NELL1: variants seen among roughly 807,000 people sequenced by gnomAD.
NELL1 encodes protein kinase C-binding protein NELL1.
A neutral mutation model predicts 107.4 loss-of-function variants in NELL1; 76 were observed. The observed-to-expected ratio is 0.71, with a 90% confidence interval of 0.59 to 0.86. The LOEUF (loss-of-function observed/expected upper bound fraction) is 0.86. NELL1 is among the 40% of genes least tolerant of loss of function. The probability of loss-of-function intolerance (pLI) is 0.00; values close to 1 mark genes in which losing one functional copy is unlikely to be tolerated. For missense variants in NELL1, 1,024 were observed against 1,005.5 expected, an observed-to-expected ratio of 1.02 and a Z score of -0.25; for synonymous variants, 353 against 341.2, an observed-to-expected ratio of 1.03 and a Z score of -0.38.
chr11:21,329,282 C>T (rs12419290), intron 14 of NELL1, among the ~76,000 whole-genome samples: 43,484 of 151,836 alleles, frequency 0.29, 6,354 homozygotes, highest in Admixed American at 0.39. Context: ...TTATAAGGGG[C>T]TTTTCCCCCT....
intron 1 of NELL1, among the ~76,000 whole-genome samples, chr11:20,673,446 A>G (rs1321563338): frequency 6.6e-6 from 1 of 152,168 alleles, no homozygotes; most frequent in African/African-American, 2.4e-5. Context: ...AGCTTCCACC[A>G]TGGACAATGA....
At chr11:21,496,662 C>T (rs1854988577) in intron 15 of NELL1, among the ~76,000 whole-genome samples, 1 of 152,092 alleles carries the variant, frequency 6.6e-6, no homozygotes. Flanking sequence ...ACTTGCCTCA[C>T]CCTCCCAAAG....
intron 2 of NELL1, among the ~76,000 whole-genome samples, chr11:20,725,242 C>G (rs947841220): frequency 2.0e-5 from 3 of 152,238 alleles, no homozygotes; most frequent in Admixed American, 2.0e-4. Flanking sequence ...TGACTCCCAA[C>G]TACTATTGTT....
chr11:21,269,367 C>T (rs1436104690), intron 14 of NELL1, among the ~76,000 whole-genome samples: 8 of 151,750 alleles, frequency 5.3e-5, no homozygotes, highest in Non-Finnish European at 1.2e-4. Flanking sequence ...CTCTCTCTCT[C>T]TCTCTCTCTC....
At chr11:20,973,558 T>A (rs1451182934) in intron 12 of NELL1, among the ~76,000 whole-genome samples, 2 of 152,240 alleles carry the variant, frequency 1.3e-5, no homozygotes, top group Non-Finnish European at 2.9e-5. Flanking sequence ...GGTAGAAGAA[T>A]GTGATTCCAT....
chr11:20,868,042 C>T (rs1386267903), intron 4 of NELL1, among the ~76,000 whole-genome samples: 1 of 152,136 alleles, frequency 6.6e-6, no homozygotes, highest in Non-Finnish European at 1.5e-5. Context: ...CAGTTGTTTA[C>T]AGTGTGTCAG....
chr11:20,853,961 GA>G (rs1848835482), intron 4 of NELL1, among the ~76,000 whole-genome samples: 1 of 152,128 alleles, frequency 6.6e-6, no homozygotes. Flanking sequence ...AGGGCTTTGA[GA>G]AAGTGACATG....
chr11:20,952,094 T>C (rs1206809381), intron 11 of NELL1, among the ~76,000 whole-genome samples: 2 of 151,994 alleles, frequency 1.3e-5, no homozygotes, highest in Non-Finnish European at 2.9e-5. Flanking sequence ...CCATGTATTC[T>C]CAGGACCACT....
chr11:21,458,074 GAGA>G (rs1853795918), intron 15 of NELL1, among the ~76,000 whole-genome samples: 1 of 152,128 alleles, frequency 6.6e-6, no homozygotes, highest in Admixed American at 6.6e-5. Flanking sequence ...TGGCTGTGAA[GAGA>G]AGAAGGATAA....
At chr11:20,842,174 C>T (rs1438782298) in intron 3 of NELL1, among the ~76,000 whole-genome samples, 7 of 151,928 alleles carry the variant, frequency 4.6e-5, no homozygotes, top group African/African-American at 1.7e-4. Flanking sequence ...GTCAGGAGTT[C>T]GAGACCAGCC....
At chr11:21,505,993 G>A (rs986503649) in intron 15 of NELL1, among the ~76,000 whole-genome samples, 34 of 152,126 alleles carry the variant, frequency 2.2e-4, no homozygotes, top group Admixed American at 2.0e-3. Flanking sequence ...TTAGTTCAGA[G>A]CCACCAGCAT....
rs187940287 is a variant in NELL1 at position 20,848,536 on chromosome 11, C to G, written c.506+783C>G. On this transcript the variant is annotated intron_variant, in intron 4 of 19. Transcript: ENST00000357134. Reference sequence around the variant, plus strand: ...CTGAAGATCCTTATGGATAGTGACCCGAGTCCAATTACAGAGTTTTTTTTT... The same window carrying G: ...CTGAAGATCCTTATGGATAGTGACCGGAGTCCAATTACAGAGTTTTTTTTT... Among the ~76,000 whole-genome samples the G allele has an allele frequency of 2.3e-4, 35 of 152,176 alleles. No homozygotes were observed. The East Asian group carries it at 3.7e-3, about 16-fold the overall frequency.
chr11:20,938,908 GTCTCTCTCTCTCTCTCTCTC>G (rs71443766), intron 10 of NELL1, among the ~76,000 whole-genome samples: 1 of 144,540 alleles, frequency 6.9e-6, no homozygotes, highest in Non-Finnish European at 1.5e-5. Context: ...TTCTCTCTCT[GTCTCTCTCTCTCTCTCTCTC>G]TCTCTCTCTC....
Position 20,960,533 on chromosome 11 carries a change from G to A in NELL1, c.1273G>A (p.Val425Ile). The A allele has an allele frequency of 6.2e-7, 1 of 1,613,970 alleles. No individual in the cohort carries two copies. Among genetic ancestry groups the A allele is most frequent in the South Asian group, 1.1e-5 (1 of 91,074 alleles). Residue 425 changes from valine (V) to isoleucine (I), a missense_variant, in exon 12 of 20, where the codon GTC (valine) becomes ATC (isoleucine). Coordinates refer to ENST00000357134, the MANE Select transcript of NELL1 (RefSeq NM_006157.5). ...TCECKSGYISVQGDSAYCEDI... is the reference protein window; with the variant it reads ...TCECKSGYISIQGDSAYCEDI... ...TGAGTGCAAGAGTGGTTACATCTCTGTCCAGGGAGACTCTGCCTACTGTGA... is the reference window on the plus strand; with the variant it reads ...TGAGTGCAAGAGTGGTTACATCTCTATCCAGGGAGACTCTGCCTACTGTGA...
chr11:21,232,157 A>T (rs1424982859), intron 14 of NELL1, among the ~76,000 whole-genome samples: 59 of 51,024 alleles, frequency 1.2e-3, no homozygotes, highest in African/African-American at 4.7e-3. Context: ...TAAAAAAAAA[A>T]AAATATATAT....
intron 12 of NELL1, among the ~76,000 whole-genome samples, chr11:21,057,347 T>A (rs1853637589): frequency 6.6e-6 from 1 of 151,982 alleles, no homozygotes; most frequent in South Asian, 2.1e-4. Context: ...CTCTCACTTT[T>A]CTTTTGGGAA....
At chr11:21,328,419 G>A (rs1267448212) in intron 14 of NELL1, among the ~76,000 whole-genome samples, 5 of 152,178 alleles carry the variant, frequency 3.3e-5, no homozygotes, top group Non-Finnish European at 7.4e-5. Context: ...TTCAGAGGAT[G>A]TATGGAAACA....
chr11:21,502,238 G>T (rs992488362), intron 15 of NELL1, among the ~76,000 whole-genome samples: 1 of 152,184 alleles, frequency 6.6e-6, no homozygotes, highest in Non-Finnish European at 1.5e-5. Context: ...TAAATAAATA[G>T]TCTTGATTGA....
intron 12 of NELL1, among the ~76,000 whole-genome samples, chr11:21,067,467 G>C (rs1188658765): frequency 1.3e-5 from 2 of 152,096 alleles, no homozygotes; most frequent in Non-Finnish European, 2.9e-5. Flanking sequence ...GCTCTTCCGA[G>C]GCCTGTATGC....
Sources: gnomAD v4.1 joint callset for allele counts (sites outside exome capture counted in the v4.1 genomes callset) on GRCh38, gnomAD v4.1.1 for gene constraint, MANE v1.5 for transcripts, NCBI Gene and HGNC (gene_info 2026-07-23, HGNC 2026-07-21) for gene names.